CELA2B: variants seen among roughly 807,000 people sequenced by gnomAD.
CELA2B encodes chymotrypsin like elastase 2B.
In CELA2B, 27 loss-of-function variants were observed where a neutral mutation model predicts 36.5. That is an observed-to-expected ratio of 0.74 (90% CI 0.55 to 1.02). The LOEUF (loss-of-function observed/expected upper bound fraction) is 1.02. CELA2B is among the 50% of genes least tolerant of loss of function. CELA2B has a pLI of 0.00. For missense variants in CELA2B, 340 were observed against 347.8 expected (o/e 0.98, Z 0.18); for synonymous variants, 143 against 148.5 (o/e 0.96, Z 0.27).
rs148930257 is a variant in CELA2B at position 15,489,930 on chromosome 1, G to A, written c.793-1365G>A. On this transcript the variant is annotated intron_variant, in intron 7 of 7. Coordinates refer to ENST00000375910, the MANE Select transcript of CELA2B (RefSeq NM_015849.3). ...GCTCTGTTGCACAGGCTGGAGTACA[G>A]TGGCTTGATCTCAGCTCACTGCAAC... Among the ~76,000 whole-genome samples, 143 of 152,152 alleles carry A rather than the reference G, an allele frequency of 9.4e-4. 1 individual carries two copies. The highest frequency in any genetic ancestry group is 3.3e-3 in the African/African-American group (137 of 41,494).
At chr1:15,486,828 A>G (rs951128883) in intron 6 of CELA2B, among the ~76,000 whole-genome samples, 14 of 152,168 alleles carry the variant, frequency 9.2e-5, no homozygotes, top group African/African-American at 2.9e-4. Flanking sequence ...AGTAGGAAGG[A>G]GATCCACACG....
intron 7 of CELA2B, among the ~76,000 whole-genome samples, chr1:15,489,111 C>T (rs923136491): frequency 6.6e-6 from 1 of 152,218 alleles, no homozygotes; most frequent in African/African-American, 2.4e-5. Context: ...CCTTTCCCAG[C>T]CAAATCCTAA....
At chr1:15,479,932 A>T (rs1194391803) in intron 2 of CELA2B, among the ~76,000 whole-genome samples, 1 of 152,150 alleles carries the variant, frequency 6.6e-6, no homozygotes, top group East Asian at 1.9e-4. Flanking sequence ...GTGGGAGCCT[A>T]TGGGGTCAGA....
chr1:15,490,826 T>A, intron 7 of CELA2B: 1 of 159,266 alleles, frequency 6.3e-6, no homozygotes, highest in Non-Finnish European at 1.4e-5. Flanking sequence ...GCCTAGAATA[T>A]GCCACTGTAC....
rs1708739485 is a variant in CELA2B, at chr1:15,481,282, C to T, written c.227+87C>T. 105 of 1,470,500 alleles carry T rather than the reference C, an allele frequency of 7.1e-5. No homozygotes were observed. The South Asian group carries it at 1.1e-3, about 15-fold the overall frequency. 91.1% of individuals were successfully genotyped at this position (1,470,500 alleles called of 1,614,324 possible). On this transcript the variant is annotated intron_variant, in intron 3 of 7. Transcript: ENST00000375910. ...GGCTCAAATGGCCTGAACCACACTA[C>T]ATGAAGTAACCTTGCAAATAACCAC...
In CELA2B at chr1:15,483,400, A is replaced by C. The variant is rs772582382; in HGVS notation, c.493A>C (p.Thr165Pro). 1.2e-6 allele frequency: 2 copies of C among 1,613,528 alleles called. No individual in the cohort carries two copies. The highest frequency in any genetic ancestry group is 3.3e-5 in the Admixed American group (2 of 59,970). ...CGTCACGGGCTGGGGAAGGCTGCAG[A>C]GTAAGTGGGAGCCAGGAGCCCCCAG... ...CYVTGWGRLQTNGALPDDLKQ... is the reference protein window; with the variant it reads ...CYVTGWGRLQPNGALPDDLKQ... Residue 165 changes from threonine to proline, a missense_variant and splice_region_variant, in exon 5 of 8, where the codon ACC (threonine) becomes CCC (proline). Coordinates refer to ENST00000375910, the MANE Select transcript of CELA2B (RefSeq NM_015849.3).
At chr1:15,486,838 G>A (rs1490372634) in intron 6 of CELA2B, among the ~76,000 whole-genome samples, 2 of 152,174 alleles carry the variant, frequency 1.3e-5, no homozygotes, top group African/African-American at 2.4e-5. Flanking sequence ...AGATCCACAC[G>A]CCCTTCAGAT....
At chr1:15,478,614 G>A (rs578070130) in intron 2 of CELA2B, among the ~76,000 whole-genome samples, 3 of 147,944 alleles carry the variant, frequency 2.0e-5, no homozygotes, top group African/African-American at 7.5e-5. Flanking sequence ...CACCCAGGCT[G>A]GAGTGCAGTG....
intron 5 of CELA2B, among the ~76,000 whole-genome samples, chr1:15,484,683 G>A (rs968381230): frequency 1.3e-5 from 2 of 152,132 alleles, no homozygotes; most frequent in Admixed American, 6.5e-5. Context: ...CAGTGAGAGT[G>A]GGGAGGCCTC....
chr1:15,487,391 C>T lies in CELA2B; in HGVS notation c.746C>T (p.Pro249Leu), dbSNP rs1438973443. The change falls in exon 7 of 8, where the codon CCC becomes CTC. Residue 249 changes from proline to leucine, a missense_variant. Pro to Leu is a moderately conservative substitution (Grantham distance 98). Coordinates refer to ENST00000375910, the MANE Select transcript of CELA2B (RefSeq NM_015849.3). ...CTTGGTTGCAACTACTACTACAAGC[C>T]CTCCATCTTCACGCGGGTCTCCAAC... Reference protein sequence around the residue: ...SVLGCNYYYKPSIFTRVSNYN... With the variant: ...SVLGCNYYYKLSIFTRVSNYN... 6.2e-7 allele frequency: 1 copy of T among 1,614,232 alleles called. No homozygotes were observed. The highest frequency in any genetic ancestry group is 8.5e-7 in the Non-Finnish European group (1 of 1,180,040).
At chr1:15,476,231 T>C (rs1708667922) in intron 1 of CELA2B, 66 bp downstream of exon 1, 6 of 1,606,988 alleles carry the variant, frequency 3.7e-6, no homozygotes, top group Non-Finnish European at 5.1e-6. Context: ...GGGATCTTCC[T>C]GTCCTCCCCT....
intron 5 of CELA2B, 53 bp from the exon 6 acceptor site, chr1:15,485,848 C>T: frequency 6.2e-7 from 1 of 1,605,326 alleles, no homozygotes; most frequent in Non-Finnish European, 8.5e-7. Flanking sequence ...CCACCACTTC[C>T]TTTTTCTCAG....
chr1:15,481,863 T>C (rs1047779009), intron 3 of CELA2B: 5 of 413,332 alleles, frequency 1.2e-5, no homozygotes, highest in African/African-American at 8.4e-5. Flanking sequence ...TGGCTTCTAG[T>C]TCTGATTTCT....
intron 2 of CELA2B, among the ~76,000 whole-genome samples, chr1:15,477,065 A>G (rs914663525): frequency 2.0e-5 from 3 of 152,212 alleles, no homozygotes; most frequent in African/African-American, 7.2e-5. Context: ...TGCAGTAAAG[A>G]GCTGTCCCCT....
chr1:15,481,121 T>C lies in CELA2B; in HGVS notation c.153T>C (p.Asn51=), dbSNP rs1441446696. ...PWQVSLQYSS[N]GQWYHTCGGS... ...AGGTCTCCCTGCAGTACAGCTCCAA[T>C]GGCCAGTGGTACCACACCTGCGGAG... The change falls in exon 3 of 8, where the codon AAT becomes AAC. Residue 51 remains asparagine (N), a synonymous_variant. Coordinates refer to ENST00000375910, the MANE Select transcript of CELA2B (RefSeq NM_015849.3). 2 of 1,613,032 alleles carry C rather than the reference T, an allele frequency of 1.2e-6. No individual in the cohort carries two copies. Among genetic ancestry groups the C allele is most frequent in the East Asian group, 4.5e-5 (2 of 44,882 alleles).
chr1:15,485,637 A>G (rs1483938419), intron 5 of CELA2B, among the ~76,000 whole-genome samples: 1 of 152,206 alleles, frequency 6.6e-6, no homozygotes, highest in African/African-American at 2.4e-5. Context: ...CATCCTCTGG[A>G]ACCGGAATCT....
intron 5 of CELA2B, among the ~76,000 whole-genome samples, chr1:15,484,332 C>T (rs989229328): frequency 1.3e-5 from 2 of 152,092 alleles, no homozygotes; most frequent in African/African-American, 4.8e-5. Flanking sequence ...TCCCGCCCTT[C>T]CCTTGTGAAA....
chr1:15,489,672 C>T (rs566769427), intron 7 of CELA2B, among the ~76,000 whole-genome samples: 2 of 152,272 alleles, frequency 1.3e-5, no homozygotes, highest in South Asian at 2.1e-4. Context: ...AAGTGGCCTG[C>T]GGCATTCATC....
At chr1:15,480,917 T>C (rs1396740783) in intron 2 of CELA2B, among the ~76,000 whole-genome samples, 181 bp from the exon 3 acceptor site, 1 of 151,270 alleles carries the variant, frequency 6.6e-6, no homozygotes, top group South Asian at 2.1e-4. Context: ...TTTTTTACTA[T>C]AGATTGCATT....
Sources: allele counts gnomAD v4.1 joint callset (sites outside exome capture counted in the v4.1 genomes callset), GRCh38; gene constraint gnomAD v4.1.1; transcripts MANE v1.5; gene names NCBI Gene and HGNC (gene_info 2026-07-23, HGNC 2026-07-21).